MAGEB1: variants seen among roughly 807,000 people sequenced by gnomAD.
The protein encoded by MAGEB1 is MAGE family member B1.
For missense variants in MAGEB1, 290 were observed against 286.7 expected (o/e 1.01, Z -0.08); for synonymous variants, 99 against 105.7 (o/e 0.94, Z 0.39).
intron 1 of MAGEB1, among the ~76,000 whole-genome samples, chrX:30,249,432 G>A (rs5973801): frequency 7.2e-5 from 8 of 110,353 alleles, no homozygotes; most frequent in South Asian, 3.9e-4. Flanking sequence ...AGGAAGCCCC[G>A]AGCATAAATG....
At chrX:30,246,462 C>T (rs142727347), upstream of MAGEB1, 2 of 112,069 alleles carry the variant, frequency 1.8e-5, no homozygotes, top group East Asian at 2.8e-4. Flanking sequence ...CTAGCACCCA[C>T]ATGGCCTCAC....
chrX:30,246,543 T>G (rs1925310589), upstream of MAGEB1: 1 of 111,607 alleles, frequency 9.0e-6, no homozygotes, highest in Admixed American at 9.4e-5. Context: ...CTGGAAAGTC[T>G]CAGGGAGATG....
At chrX:30,245,068 GA>G (rs1273841817), upstream of MAGEB1, among the ~76,000 whole-genome samples, 2 of 111,598 alleles carry the variant, frequency 1.8e-5, no homozygotes, top group Non-Finnish European at 3.8e-5. Context: ...TAAAATGAAT[GA>G]AAATAAGACT....
In MAGEB1 at chrX:30,250,455, T is replaced by G; in HGVS notation, c.-39T>G. On this transcript the variant is annotated 5_prime_UTR_variant, in exon 2 of 2. Transcript: ENST00000397548. ...TCAGGTGCCACATCTCCTGCCTTTCTGCTCACTTTCCTGCCTGTTTTGCCT... is the reference window on the plus strand; with the variant it reads ...TCAGGTGCCACATCTCCTGCCTTTCGGCTCACTTTCCTGCCTGTTTTGCCT... 1 of 1,100,935 alleles carries G rather than the reference T, an allele frequency of 9.1e-7. No homozygotes were observed. Among genetic ancestry groups the G allele is most frequent in the Non-Finnish European group, 1.2e-6 (1 of 823,002 alleles). 90.7% of individuals were successfully genotyped at this position (1,100,935 alleles called of 1,213,427 possible).
At position 30,251,587 on chromosome X, in the gene MAGEB1, T is replaced by C. The variant is rs770408616; in HGVS notation, c.*50T>C. ...GTTTTTGTGGCAAGATGCCAACCTT[T>C]TGAAGTAGTGAGCAGCCAAGATATG... On this transcript the variant is annotated 3_prime_UTR_variant, in exon 2 of 2. Transcript: ENST00000397548. 1 of 1,077,349 alleles carries C rather than the reference T, an allele frequency of 9.3e-7. No individual in the cohort carries two copies. Among genetic ancestry groups the C allele is most frequent in the Non-Finnish European group, 1.3e-6 (1 of 790,548 alleles). 88.8% of individuals were successfully genotyped at this position (1,077,349 alleles called of 1,213,427 possible).
Position 30,251,611 on chromosome X carries a change from T to C in MAGEB1, c.*74T>C, listed in dbSNP as rs1601969595. On this transcript the variant is annotated 3_prime_UTR_variant, in exon 2 of 2. Transcript: ENST00000397548. ...TTTGAAGTAGTGAGCAGCCAAGATA[T>C]GGCTAGAGAGATCATCATATATATC... The C allele has an allele frequency of 1.4e-5, 12 of 850,352 alleles. No individual in the cohort carries two copies. Among genetic ancestry groups the C allele is most frequent in the African/African-American group, 4.1e-5 (2 of 49,293 alleles). 70.1% of individuals were successfully genotyped at this position (850,352 alleles called of 1,213,427 possible).
rs376477198 is a variant in MAGEB1 at position 30,250,421 on chromosome X, C to T, written c.-60-13C>T. Reference sequence around the variant, plus strand: ...CTGCAAGTACTCACAGGATCTCATTCTCTCTCCTTCAGGTGCCACATCTCC... The same window carrying T: ...CTGCAAGTACTCACAGGATCTCATTTTCTCTCCTTCAGGTGCCACATCTCC... On this transcript the variant is annotated splice_polypyrimidine_tract_variant and intron_variant, in intron 1 of 1. Transcript: ENST00000397548. 1.3e-5 allele frequency: 12 copies of T among 901,055 alleles called. No homozygotes were observed. The African/African-American group carries it at 2.2e-4, about 17-fold the overall frequency. 74.3% of individuals were successfully genotyped at this position (901,055 alleles called of 1,213,427 possible). A position where few individuals can be genotyped will look rare whatever the true frequency, so the allele number is the denominator to read the frequency against.
chrX:30,247,946 GAAAAAA>G (rs57368527), intron 1 of MAGEB1, among the ~76,000 whole-genome samples: 858 of 45,918 alleles, frequency 0.019, 15 homozygotes, highest in Non-Finnish European at 0.023. Flanking sequence ...TCAGTCTCAA[GAAAAAA>G]AAAAAAAAAA....
In MAGEB1 at chrX:30,251,593, TAGTG is replaced by T; in HGVS notation, c.*59_*62del. The T allele has an allele frequency of 9.8e-7, 1 of 1,025,270 alleles. No homozygotes were observed. The allele number at this position is 1,025,270 out of a possible 1,213,427, so 84.5% of individuals were successfully genotyped here. On this transcript the variant is annotated 3_prime_UTR_variant, in exon 2 of 2. Transcript: ENST00000397548. The stretch of plus-strand genomic sequence containing the variant: ...GTGGCAAGATGCCAACCTTTTGAAG[TAGTG>T]AGCAGCCAAGATATGGCTAGAGAGA...
chrX:30,250,101 T>C (rs753637947), intron 1 of MAGEB1, among the ~76,000 whole-genome samples: 3 of 111,359 alleles, frequency 2.7e-5, no homozygotes, highest in Non-Finnish European at 5.7e-5. Flanking sequence ...CCGGTAAGGA[T>C]GGTAGGTTGA....
chrX:30,248,981 G>A (rs1925416296), intron 1 of MAGEB1, among the ~76,000 whole-genome samples: 1 of 111,336 alleles, frequency 9.0e-6, no homozygotes, highest in Non-Finnish European at 1.9e-5. Flanking sequence ...CACTGAGGGA[G>A]GAATGAGATG....
In MAGEB1 at chrX:30,251,533, T is replaced by A. The variant is rs752029457; in HGVS notation, c.1040T>A (p.Met347Lys). The A allele has an allele frequency of 1.3e-5, 15 of 1,198,429 alleles. No homozygotes were observed. The highest frequency in any genetic ancestry group is 1.7e-5 in the Non-Finnish European group (15 of 888,607). Residue 347 changes from methionine to lysine, a missense_variant, in exon 2 of 2, where the codon ATG (methionine) becomes AAG (lysine). Physicochemically the swap from Met to Lys is moderately conservative, Grantham distance 95. Transcript: ENST00000397548. ...RAPFSRSSHP[M>K] ...CCATTCAGCAGGTCCTCCCACCCCA[T>A]GTGAGAACTCAGGCAGATTGTTCAC...
Position 30,250,899 on chromosome X carries a change from A to C in MAGEB1, c.406A>C (p.Lys136Gln). Reference sequence around the variant, plus strand: ...GCCCATTATGAAGGCAGATATGCTGAAGGTTGTTGATGAAAAGTACAAGGA... The same window carrying C: ...GCCCATTATGAAGGCAGATATGCTGCAGGTTGTTGATGAAAAGTACAAGGA... ...REPIMKADML[K>Q]VVDEKYKDHF... The change falls in exon 2 of 2, where the codon AAG becomes CAG. Residue 136 changes from lysine to glutamine, a missense_variant. By Grantham distance (53) the Lys-to-Gln change is moderately conservative. Coordinates refer to ENST00000397548, the MANE Select transcript of MAGEB1 (RefSeq NM_177404.3). 1.7e-6 allele frequency: 2 copies of C among 1,212,075 alleles called. No individual in the cohort carries two copies. The highest frequency in any genetic ancestry group is 2.2e-6 in the Non-Finnish European group (2 of 895,505).
chrX:30,250,462 T>C lies in MAGEB1; in HGVS notation c.-32T>C. ...CCACATCTCCTGCCTTTCTGCTCAC[T>C]TTCCTGCCTGTTTTGCCTGACCACA... On this transcript the variant is annotated 5_prime_UTR_variant, in exon 2 of 2. Coordinates refer to ENST00000397548, the MANE Select transcript of MAGEB1 (RefSeq NM_177404.3). The C allele has an allele frequency of 8.8e-7, 1 of 1,133,564 alleles. No homozygotes were observed. The highest frequency in any genetic ancestry group is 1.2e-6 in the Non-Finnish European group (1 of 849,550). The allele number at this position is 1,133,564 out of a possible 1,213,427, so 93.4% of individuals were successfully genotyped here.
upstream of MAGEB1, among the ~76,000 whole-genome samples, chrX:30,245,710 T>C (rs1234773842): frequency 8.9e-6 from 1 of 112,315 alleles, no homozygotes; most frequent in African/African-American, 3.2e-5. Context: ...AATTGACAGA[T>C]GTGAATTAAA....
At chrX:30,250,005 AG>A (rs1307440166) in intron 1 of MAGEB1, among the ~76,000 whole-genome samples, 1 of 111,703 alleles carries the variant, frequency 9.0e-6, no homozygotes, top group African/African-American at 3.3e-5. Context: ...AGATGAGATG[AG>A]GACTCTGAAT....
In MAGEB1 at chrX:30,251,532, A is replaced by G; in HGVS notation, c.1039A>G (p.Met347Val). 8.3e-7 allele frequency: 1 copy of G among 1,198,365 alleles called. No individual in the cohort carries two copies. Residue 347 changes from methionine to valine, a missense_variant, in exon 2 of 2, where the codon ATG (methionine) becomes GTG (valine). Physicochemically the swap from Met to Val is conservative, Grantham distance 21. Coordinates refer to ENST00000397548, the MANE Select transcript of MAGEB1 (RefSeq NM_177404.3). The stretch of plus-strand genomic sequence containing the variant: ...CCCATTCAGCAGGTCCTCCCACCCC[A>G]TGTGAGAACTCAGGCAGATTGTTCA... Reference protein sequence around the residue: ...RAPFSRSSHPM With the variant: ...RAPFSRSSHPV
upstream of MAGEB1, among the ~76,000 whole-genome samples, chrX:30,244,643 T>C (rs1925250989): frequency 8.9e-6 from 1 of 112,136 alleles, no homozygotes; most frequent in African/African-American, 3.2e-5. Flanking sequence ...GGTAATTTTA[T>C]GTCCTGGCAT....
upstream of MAGEB1, among the ~76,000 whole-genome samples, chrX:30,246,688 G>A (rs1265193770): frequency 8.9e-6 from 1 of 112,175 alleles, no homozygotes; most frequent in Non-Finnish European, 1.9e-5. Context: ...AATTCACCCC[G>A]TTTTGAGGCA....
Sources: allele counts gnomAD v4.1 joint callset (sites outside exome capture counted in the v4.1 genomes callset), GRCh38; gene constraint gnomAD v4.1.1; transcripts MANE v1.5; gene names NCBI Gene and HGNC (gene_info 2026-07-23, HGNC 2026-07-21).